ATAD2B: variants seen among roughly 807,000 people sequenced by gnomAD.
ATAD2B encodes the protein ATPase family AAA domain containing 2B.
In ATAD2B, 40 loss-of-function variants were observed where a neutral mutation model predicts 167.6. The observed-to-expected ratio is 0.24, with a 90% CI of 0.19 to 0.31. ATAD2B has a LOEUF of 0.31. Among genes scored for constraint, ATAD2B ranks in the 10% least tolerant of loss-of-function variants. The probability of loss-of-function intolerance (pLI) is 1.00; values close to 1 mark genes in which losing one functional copy is unlikely to be tolerated. For missense variants in ATAD2B, 1,242 were observed against 1,757.2 expected (o/e 0.71, Z 5.24); for synonymous variants, 579 against 596.5 (o/e 0.97, Z 0.43).
chr2:23,923,951 G>A (rs1704323863), intron 1 of ATAD2B, among the ~76,000 whole-genome samples: 1 of 152,116 alleles, frequency 6.6e-6, no homozygotes, highest in South Asian at 2.1e-4. Context: ...GGGAGGCCGA[G>A]GCGGGCTGAT....
the ATAD2B span, chr2:23,691,622 GGCAC>G: frequency 6.8e-7 from 1 of 1,478,080 alleles, no homozygotes. Flanking sequence ...GTGAGGAAGC[GGCAC>G]GGTGGCCGCA....
At chr2:23,806,038 A>G (rs1684340978) in intron 18 of ATAD2B, 1 of 152,176 alleles carries the variant, frequency 6.6e-6, no homozygotes, top group African/African-American at 2.4e-5. Context: ...CTATTAATTT[A>G]ATCTAAAGAA....
At position 23,752,034 on chromosome 2, in the gene ATAD2B, A is replaced by G. The variant is rs1471974609; in HGVS notation, c.*12T>C. 2 of 1,555,970 alleles carry G rather than the reference A, an allele frequency of 1.3e-6. No individual in the cohort carries two copies. The highest frequency in any genetic ancestry group is 2.7e-5 in the African/African-American group (2 of 73,586). ...GCAGATTGGAGAGGATAAACCACTC[A>G]TCTTGAAAAGTTCATAGGAATGTCT... On this transcript the variant is annotated 3_prime_UTR_variant, in exon 28 of 28. Transcript: ENST00000238789.
chr2:23,754,800 T>C (rs756082301), intron 25 of ATAD2B, 26 bp from the exon 26 acceptor site: 5 of 1,597,792 alleles, frequency 3.1e-6, no homozygotes, highest in Non-Finnish European at 4.3e-6. Flanking sequence ...AAAAATACAC[T>C]GCAGCAAGTA....
chr2:23,756,258 T>G (rs1254473724), intron 25 of ATAD2B, among the ~76,000 whole-genome samples: 2 of 152,186 alleles, frequency 1.3e-5, no homozygotes, highest in Non-Finnish European at 2.9e-5. Context: ...TATTAAATAT[T>G]GAAGAATAAG....
intron 22 of ATAD2B, among the ~76,000 whole-genome samples, chr2:23,778,114 G>A (rs1183502991): frequency 6.6e-6 from 1 of 151,438 alleles, no homozygotes; most frequent in Non-Finnish European, 1.5e-5. Flanking sequence ...CATAACAAGT[G>A]GTTCTGTTGC....
Position 23,750,272 on chromosome 2 carries a change from T to C in ATAD2B, c.*1774A>G, listed in dbSNP as rs1675210662. The C allele has an allele frequency of 6.6e-6, 1 of 152,022 alleles. No individual in the cohort carries two copies. The highest frequency in any genetic ancestry group is 6.6e-5 in the Admixed American group (1 of 15,226). 9.4% of individuals were successfully genotyped at this position (152,022 alleles called of 1,614,324 possible). On this transcript the variant is annotated 3_prime_UTR_variant, in exon 28 of 28. Transcript: ENST00000238789. ...CTTGACTTGTATGACTAACTGGATA[T>C]TACAGAAACTTCACAGACTAGGTAC...
Position 23,803,341 on chromosome 2 carries a change from C to T in ATAD2B, c.2455-5018G>A, listed in dbSNP as rs545719166. Among the ~76,000 whole-genome samples the T allele has an allele frequency of 5.5e-5, 8 of 144,844 alleles. No individual in the cohort carries two copies. The East Asian group carries it at 5.9e-4, about 11-fold the overall frequency. ...ACACACACACACACACACACACACG[C>T]GCACGCATTTGTTTCAGTAATAAAT... is the stretch of plus-strand genomic sequence containing the variant. On this transcript the variant is annotated intron_variant, in intron 18 of 27. Coordinates refer to ENST00000238789, the MANE Select transcript of ATAD2B (RefSeq NM_017552.4).
At chr2:23,857,821 A>G (rs1183888149) in intron 12 of ATAD2B, among the ~76,000 whole-genome samples, 1 of 148,372 alleles carries the variant, frequency 6.7e-6, no homozygotes, top group Non-Finnish European at 1.5e-5. Flanking sequence ...GGCTCACTAC[A>G]AGCTCCGTCT....
At chr2:23,840,620 A>G (rs1690727820) in intron 13 of ATAD2B, among the ~76,000 whole-genome samples, 1 of 152,230 alleles carries the variant, frequency 6.6e-6, no homozygotes, top group African/African-American at 2.4e-5. Context: ...ATGTGCTTTA[A>G]GGCACATTAT....
At chr2:23,753,795 C>G (rs1675631036) in intron 27 of ATAD2B, among the ~76,000 whole-genome samples, 1 of 152,170 alleles carries the variant, frequency 6.6e-6, no homozygotes, top group African/African-American at 2.4e-5. Flanking sequence ...CAGTGGCTAC[C>G]TAGGAAGCAG....
the ATAD2B span, among the ~76,000 whole-genome samples, chr2:23,692,080 AG>A: frequency 1.3e-5 from 2 of 152,202 alleles, no homozygotes; most frequent in Non-Finnish European, 2.9e-5. Flanking sequence ...TGGAATGAAG[AG>A]GACTCCGTGT....
chr2:23,837,344 G>A (rs1572976060), intron 13 of ATAD2B, among the ~76,000 whole-genome samples: 2 of 152,284 alleles, frequency 1.3e-5, no homozygotes, highest in African/African-American at 2.4e-5. Flanking sequence ...GCCTTCCCAG[G>A]CCCCCCAGAG....
At chr2:23,711,392 G>A in the ATAD2B span, among the ~76,000 whole-genome samples, 2 of 97,500 alleles carry the variant, frequency 2.1e-5, no homozygotes, top group Non-Finnish European at 3.6e-5. Context: ...TGGAGACAGA[G>A]TCTCACTCTG....
intron 1 of ATAD2B, among the ~76,000 whole-genome samples, chr2:23,919,042 G>A (rs72796329): frequency 0.12 from 18,316 of 152,134 alleles, 1,192 homozygotes; most frequent in Middle Eastern, 0.21. Context: ...AGTGAGTATA[G>A]CAAAAAAGAA....
chr2:23,757,001 C>T (rs1055556224), intron 25 of ATAD2B, among the ~76,000 whole-genome samples: 11 of 152,102 alleles, frequency 7.2e-5, no homozygotes, highest in Admixed American at 3.9e-4. Flanking sequence ...ATTACTCTTC[C>T]GAATATATCA....
chr2:23,783,844 A>G (rs1296546218), intron 21 of ATAD2B, among the ~76,000 whole-genome samples: 1 of 152,168 alleles, frequency 6.6e-6, no homozygotes, highest in Non-Finnish European at 1.5e-5. Flanking sequence ...AAATTAGTCC[A>G]GGAAAGATTT....
chr2:23,818,139 CACAG>C (rs1686804449), intron 17 of ATAD2B, among the ~76,000 whole-genome samples: 1 of 131,148 alleles, frequency 7.6e-6, no homozygotes, highest in African/African-American at 2.8e-5. Context: ...CACACACACA[CACAG>C]AGAGAGAGAA....
the ATAD2B span, among the ~76,000 whole-genome samples, chr2:23,714,082 G>C: frequency 6.6e-6 from 1 of 152,036 alleles, no homozygotes; most frequent in East Asian, 1.9e-4. Context: ...CCCGGTCCAA[G>C]TTTTCTTCTC....
Sources: allele counts gnomAD v4.1 joint callset (sites outside exome capture counted in the v4.1 genomes callset), GRCh38; gene constraint gnomAD v4.1.1; transcripts MANE v1.5; gene names NCBI Gene and HGNC (gene_info 2026-07-23, HGNC 2026-07-21).